CASTOR2: variants seen among roughly 807,000 people sequenced by gnomAD.
The protein encoded by CASTOR2 is GATS protein like 2.
A neutral mutation model predicts 31.2 loss-of-function variants in CASTOR2; 8 were observed. The observed-to-expected ratio is 0.26, with a 90% confidence interval of 0.15 to 0.46. The LOEUF (loss-of-function observed/expected upper bound fraction) is 0.46, where lower values mean the gene tolerates loss of function less well. Ranked by LOEUF, CASTOR2 falls within the 20% of genes least tolerant of loss-of-function variation. CASTOR2 has a pLI of 0.99. For synonymous variants in CASTOR2, 162 were observed against 158.7 expected (o/e 1.02, Z -0.16); for missense variants, 216 against 382.1 (o/e 0.57, Z 3.62).
At chr7:74,992,206 A>G (rs1554437412) in intron 1 of CASTOR2, among the ~76,000 whole-genome samples, 99,738 of 151,902 alleles carry the variant, frequency 0.66, 35,601 homozygotes, top group East Asian at 0.93. Context: ...TGTCTCGTGC[A>G]AAGTGTGACC....
intron 1 of CASTOR2, among the ~76,000 whole-genome samples, chr7:74,998,488 G>A (rs1412944100): frequency 2.0e-5 from 3 of 151,858 alleles, no homozygotes; most frequent in Admixed American, 6.6e-5. Flanking sequence ...CTGTAATCCC[G>A]GCTACTCGGG....
At chr7:75,007,056 G>C (rs1804622977) in intron 1 of CASTOR2, among the ~76,000 whole-genome samples, 1 of 152,172 alleles carries the variant, frequency 6.6e-6, no homozygotes, top group Non-Finnish European at 1.5e-5. Flanking sequence ...GTGCTGGAGA[G>C]CCGGAACACC....
chr7:74,985,263 A>G (rs1297825563), intron 1 of CASTOR2, among the ~76,000 whole-genome samples: 2 of 152,060 alleles, frequency 1.3e-5, no homozygotes, highest in Non-Finnish European at 2.9e-5. Flanking sequence ...CGGGGCTCCC[A>G]CAGAAGTAAA....
At chr7:74,992,201 C>T (rs183201578) in intron 1 of CASTOR2, among the ~76,000 whole-genome samples, 52 of 152,168 alleles carry the variant, frequency 3.4e-4, no homozygotes, top group South Asian at 1.2e-3. Flanking sequence ...GGTCCTGTCT[C>T]GTGCAAAGTG....
chr7:74,983,591 T>C (rs587681812), intron 1 of CASTOR2, among the ~76,000 whole-genome samples: 1 of 151,690 alleles, frequency 6.6e-6, no homozygotes, highest in African/African-American at 2.4e-5. Context: ...TGGGGTTGGC[T>C]GTGAGTCGTG....
At chr7:75,007,972 C>G (rs1307271373) in intron 1 of CASTOR2, 22 bp from the exon 2 acceptor site, 2 of 1,613,934 alleles carry the variant, frequency 1.2e-6, no homozygotes. Flanking sequence ...ATGAGATATT[C>G]TGTGTCTGTC....
intron 2 of CASTOR2, among the ~76,000 whole-genome samples, chr7:75,013,432 C>T (rs1247183795): frequency 2.0e-5 from 3 of 151,814 alleles, no homozygotes; most frequent in Non-Finnish European, 2.9e-5. Context: ...ATCGCTTGAG[C>T]CCAGGAGTTC....
chr7:74,976,994 G>T (rs1246118547), intron 1 of CASTOR2, among the ~76,000 whole-genome samples: 1 of 150,264 alleles, frequency 6.7e-6, no homozygotes. Flanking sequence ...AGACCAGCCC[G>T]GCCAACAAGG....
chr7:75,028,051 GTCT>G lies in CASTOR2; in HGVS notation c.*3354_*3356del. ...AGGTAATCAGAGGAGTGGGCCTGTT[GTCT>G]TGGCGCTGGCGGATGGGGCAGGTGC... is the stretch of plus-strand genomic sequence containing the variant. On this transcript the variant is annotated 3_prime_UTR_variant, in exon 9 of 9. Transcript: ENST00000616305. 1 of 1,534,380 alleles carries G rather than the reference GTCT, an allele frequency of 6.5e-7. No individual in the cohort carries two copies. The highest frequency in any genetic ancestry group is 1.4e-5 in the African/African-American group (1 of 73,028).
intron 1 of CASTOR2, among the ~76,000 whole-genome samples, chr7:74,989,371 C>G (rs1225365793): frequency 6.6e-6 from 1 of 151,774 alleles, no homozygotes; most frequent in African/African-American, 2.4e-5. Flanking sequence ...GTCCTCCTGC[C>G]TCAGCCTCCC....
intron 1 of CASTOR2, among the ~76,000 whole-genome samples, chr7:74,985,268 A>G (rs1804035362): frequency 6.6e-6 from 1 of 152,032 alleles, no homozygotes; most frequent in Non-Finnish European, 1.5e-5. Context: ...CTCCCACAGA[A>G]GTAAAAGTTG....
chr7:74,994,433 C>G (rs1804289410), intron 1 of CASTOR2, among the ~76,000 whole-genome samples: 1 of 152,144 alleles, frequency 6.6e-6, no homozygotes, highest in African/African-American at 2.4e-5. Context: ...GCAGCAACAA[C>G]TATGTCAGAG....
At chr7:74,985,026 A>C (rs1485397930) in intron 1 of CASTOR2, among the ~76,000 whole-genome samples, 1 of 152,128 alleles carries the variant, frequency 6.6e-6, no homozygotes, top group African/African-American at 2.4e-5. Context: ...AATCCCAGCT[A>C]CTCAGGAGGC....
chr7:75,005,089 ACTCCTGAC>A (rs1229622992), intron 1 of CASTOR2, among the ~76,000 whole-genome samples: 5 of 151,404 alleles, frequency 3.3e-5, no homozygotes, highest in Non-Finnish European at 5.9e-5. Flanking sequence ...CTGGTCTCGA[ACTCCTGAC>A]CTCAGGTGAT....
rs1584477632 is a variant in CASTOR2, at chr7:75,020,158, G to C, written c.746+9G>C. On this transcript the variant is annotated intron_variant, in intron 6 of 8. Coordinates refer to ENST00000616305, the MANE Select transcript of CASTOR2 (RefSeq NM_001145064.3). Reference sequence around the variant, plus strand: ...GTGCAGACGCAGCAGAGGTGAGCCAGGCCCTGGGGTGGACGTTCAACCCAG... The same window carrying C: ...GTGCAGACGCAGCAGAGGTGAGCCACGCCCTGGGGTGGACGTTCAACCCAG... 10 of 1,551,398 alleles carry C rather than the reference G, an allele frequency of 6.4e-6. No individual in the cohort carries two copies. The East Asian group carries it at 2.4e-4, about 38-fold the overall frequency.
intron 2 of CASTOR2, 78 bp downstream of exon 2, chr7:75,008,142 T>G: frequency 6.8e-7 from 1 of 1,466,576 alleles, no homozygotes; most frequent in Non-Finnish European, 9.2e-7. Flanking sequence ...CTTATTTCTG[T>G]CCCCCGCCCA....
rs1805036375 is a variant in CASTOR2 at position 75,022,809 on chromosome 7, A to G, written c.829+853A>G. ...GCAAGACTCTGTCTCAAAAAATAAT[A>G]ATAAATTTAATTTAAAAAAGAATAA... On this transcript the variant is annotated intron_variant, in intron 7 of 8. Transcript: ENST00000616305. 3.9e-5 allele frequency among the ~76,000 whole-genome samples: 6 copies of G among 152,144 alleles called. No individual in the cohort carries two copies. In the South Asian group the frequency reaches 1.2e-3, roughly 32 times the overall value.
At position 75,026,188 on chromosome 7, in the gene CASTOR2, G is replaced by GTTTTTTTTTTT. The variant is rs1178084776; in HGVS notation, c.*1489_*1490insTTTTTTTTTTT. ...CCCCTGTGGTTTTGGCTCTGGCGGG[G>GTTTTTTTTTTT]GTTTTTTTTTTTTTTTTTGAGATGG... On this transcript the variant is annotated 3_prime_UTR_variant, in exon 9 of 9. Transcript: ENST00000616305. Among the ~76,000 whole-genome samples the GTTTTTTTTTTT allele has an allele frequency of 4.8e-4, 54 of 113,256 alleles. 1 individual carries two copies. Among genetic ancestry groups the GTTTTTTTTTTT allele is most frequent in the Non-Finnish European group, 6.8e-4 (35 of 51,492 alleles). 74.3% of individuals were successfully genotyped at this position (113,256 alleles called of 152,430 possible).
chr7:75,022,231 G>C (rs949530311), intron 7 of CASTOR2, among the ~76,000 whole-genome samples: 214 of 152,300 alleles, frequency 1.4e-3, no homozygotes, highest in African/African-American at 4.4e-3. Flanking sequence ...GCAGCTGGGC[G>C]CGGTGGCTCG....
Sources: gnomAD v4.1 joint callset for allele counts (sites outside exome capture counted in the v4.1 genomes callset) on GRCh38, gnomAD v4.1.1 for gene constraint, MANE v1.5 for transcripts, NCBI Gene and HGNC (gene_info 2026-07-23, HGNC 2026-07-21) for gene names.